The following EHBP1 variants were observed in gnomAD, a reference collection of about 807,000 sequenced individuals.
The protein encoded by EHBP1 is EH domain-binding protein 1.
A neutral mutation model predicts 144.0 loss-of-function variants in EHBP1; 55 were observed. That is an observed-to-expected ratio of 0.38 (90% CI 0.31 to 0.48). The LOEUF (loss-of-function observed/expected upper bound fraction) is 0.48, where lower values mean the gene tolerates loss of function less well. Among genes scored for constraint, EHBP1 ranks in the 20% least tolerant of loss-of-function variants. The pLI is 0.98. For missense variants in EHBP1, 1,200 were observed against 1,364.2 expected, an observed-to-expected ratio of 0.88 and a Z score of 1.90; for synonymous variants, 469 against 472.7, an observed-to-expected ratio of 0.99 and a Z score of 0.10.
At chr2:62,704,580 T>C (rs184358319), upstream of EHBP1, among the ~76,000 whole-genome samples, 98 of 152,326 alleles carry the variant, frequency 6.4e-4, no homozygotes, top group Middle Eastern at 3.4e-3. Context: ...CCTCTCTTTT[T>C]TTTCCAAACT....
At chr2:62,691,911 A>G (rs360793) in intron 1 of EHBP1, among the ~76,000 whole-genome samples, 23,874 of 152,128 alleles carry the variant, frequency 0.16, 2,146 homozygotes, top group Middle Eastern at 0.24. Flanking sequence ...GGCTTTATTG[A>G]GATATAAATC....
At chr2:62,708,680 A>G (rs763378313) in intron 2 of EHBP1, among the ~76,000 whole-genome samples, 4 of 152,196 alleles carry the variant, frequency 2.6e-5, no homozygotes, top group Non-Finnish European at 5.9e-5. Flanking sequence ...GGGAAAAACA[A>G]TTCTTTAAGG....
intron 11 of EHBP1, 113 bp from the exon 12 acceptor site, chr2:62,943,689 T>G (rs1363397977): frequency 9.3e-6 from 5 of 537,678 alleles, no homozygotes; most frequent in African/African-American, 2.0e-5. Flanking sequence ...GCTGTGAAAT[T>G]GCTGGTTACT....
intron 10 of EHBP1, among the ~76,000 whole-genome samples, chr2:62,903,751 G>C (rs1214058862): frequency 2.7e-5 from 4 of 150,528 alleles, no homozygotes; most frequent in Non-Finnish European, 4.4e-5. Flanking sequence ...GGCCAATAGA[G>C]TGAGACCCTG....
intron 2 of EHBP1, among the ~76,000 whole-genome samples, chr2:62,715,063 G>C (rs1572932892): frequency 6.6e-6 from 1 of 152,178 alleles, no homozygotes; most frequent in South Asian, 2.1e-4. Flanking sequence ...ATGCATGTCT[G>C]TGTGTTCGTA....
Position 62,955,546 on chromosome 2 carries a change from TAAGG to T in EHBP1, c.2349_2352del (p.Arg785GlnfsTer14), listed in dbSNP as rs754939446. ...GATTGTTATCTAGACAAGAAGAACT[TAAGG>T]AAAGAGCAAGAGTTCTGCTTGAGCA... On this transcript the variant is annotated frameshift_variant, in exon 14 of 23. Coordinates refer to ENST00000431489, the MANE Select transcript of EHBP1 (RefSeq NM_001142616.3). LOFTEE classifies it high-confidence loss of function. 6.2e-7 allele frequency: 1 copy of T among 1,612,594 alleles called. No individual in the cohort carries two copies. Among genetic ancestry groups the T allele is most frequent in the Non-Finnish European group, 8.5e-7 (1 of 1,179,176 alleles).
intron 16 of EHBP1, 59 bp downstream of exon 16, chr2:62,990,899 GGA>G (rs2059388424): frequency 2.0e-6 from 3 of 1,517,368 alleles, no homozygotes; most frequent in Non-Finnish European, 2.7e-6. Flanking sequence ...GTTTCTGCCA[GGA>G]GTTTGTAATT....
At chr2:62,841,410 C>T (rs1573648787) in intron 7 of EHBP1, among the ~76,000 whole-genome samples, 1 of 151,526 alleles carries the variant, frequency 6.6e-6, no homozygotes, top group African/African-American at 2.4e-5. Flanking sequence ...TTAGTGGGTG[C>T]AGTGCACCAG....
At chr2:62,955,871 G>A (rs1054198760) in intron 14 of EHBP1, 124 of 408,880 alleles carry the variant, frequency 3.0e-4, no homozygotes, top group Non-Finnish European at 2.6e-5. Context: ...ATGAGGAAAA[G>A]TAAGATCTGG....
chr2:62,689,536 C>T (rs1420712200), intron 1 of EHBP1, among the ~76,000 whole-genome samples: 2 of 151,984 alleles, frequency 1.3e-5, no homozygotes, highest in African/African-American at 4.8e-5. Context: ...TCCAGCTACC[C>T]GGGAGGCTGA....
At chr2:63,031,951 A>G (rs2061267048) in intron 19 of EHBP1, among the ~76,000 whole-genome samples, 1 of 152,126 alleles carries the variant, frequency 6.6e-6, no homozygotes, top group Non-Finnish European at 1.5e-5. Context: ...AAAAACAAAA[A>G]AAACCTAAGC....
At chr2:62,705,254 GGAGA>G (rs1408967764), upstream of EHBP1, among the ~76,000 whole-genome samples, 1 of 152,182 alleles carries the variant, frequency 6.6e-6, no homozygotes, top group East Asian at 1.9e-4. Context: ...GATGAGAACA[GGAGA>G]GAAACCCACA....
chr2:62,855,067 C>A (rs1355966149), intron 7 of EHBP1, among the ~76,000 whole-genome samples: 1 of 152,210 alleles, frequency 6.6e-6, no homozygotes, highest in African/African-American at 2.4e-5. Flanking sequence ...GCCGTAACCC[C>A]CCAGCACAGC....
chr2:63,015,083 TTA>T (rs1341145086), intron 19 of EHBP1, among the ~76,000 whole-genome samples: 1 of 152,224 alleles, frequency 6.6e-6, no homozygotes, highest in African/African-American at 2.4e-5. Context: ...TTTCCGAATT[TTA>T]TATGAGGAAA....
intron 19 of EHBP1, among the ~76,000 whole-genome samples, chr2:63,017,341 T>G (rs986228116): frequency 2.0e-5 from 3 of 152,186 alleles, no homozygotes; most frequent in African/African-American, 7.2e-5. Flanking sequence ...TATACTTGGA[T>G]CCCTCATTAT....
intron 10 of EHBP1, among the ~76,000 whole-genome samples, chr2:62,895,984 T>C (rs2052891680): frequency 6.6e-6 from 1 of 152,206 alleles, no homozygotes. Context: ...TGTTTTCTAC[T>C]ACAATTTAAA....
At chr2:62,869,871 T>C (rs1170849313) in intron 9 of EHBP1, among the ~76,000 whole-genome samples, 1 of 152,218 alleles carries the variant, frequency 6.6e-6, no homozygotes, top group African/African-American at 2.4e-5. Flanking sequence ...GTGAGTGATA[T>C]CCAGCTTGGA....
intron 3 of EHBP1, among the ~76,000 whole-genome samples, chr2:62,751,711 C>T (rs574938192): frequency 9.2e-5 from 14 of 152,094 alleles, no homozygotes; most frequent in East Asian, 3.9e-4. Context: ...GTTTAGGCTT[C>T]GGAGGGTGTA....
intron 19 of EHBP1, among the ~76,000 whole-genome samples, chr2:63,027,218 CA>C (rs1281332496): frequency 1.3e-5 from 2 of 152,144 alleles, no homozygotes; most frequent in African/African-American, 2.4e-5. Context: ...ACATCACTAC[CA>C]TTATTATTCC....
Sources: allele counts gnomAD v4.1 joint callset (sites outside exome capture counted in the v4.1 genomes callset), GRCh38; gene constraint gnomAD v4.1.1; transcripts MANE v1.5; gene names NCBI Gene and HGNC (gene_info 2026-07-23, HGNC 2026-07-21).